The following CLIC4 variants were observed in gnomAD, a reference collection of about 807,000 sequenced individuals.
CLIC4 encodes CLIC family member 4, also known as chloride intracellular channel protein 4.
CLIC4 carries 13 observed loss-of-function variants against 24.6 expected under a neutral mutation model. The observed-to-expected ratio is 0.53, with a 90% confidence interval of 0.34 to 0.84. The LOEUF is 0.84. Among genes scored for constraint, CLIC4 ranks in the 40% least tolerant of loss-of-function variants. The probability of loss-of-function intolerance (pLI) is 0.01; values close to 1 mark genes in which losing one functional copy is unlikely to be tolerated. For missense variants in CLIC4, 227 were observed against 301.7 expected (o/e 0.75, Z 1.83); for synonymous variants, 104 against 111.3 (o/e 0.93, Z 0.41).
At chr1:24,772,931 G>A (rs1639089372) in intron 1 of CLIC4, among the ~76,000 whole-genome samples, 1 of 152,084 alleles carries the variant, frequency 6.6e-6, no homozygotes, top group African/African-American at 2.4e-5. Flanking sequence ...CATGATTGCA[G>A]TTTTTCATTG....
intron 4 of CLIC4, among the ~76,000 whole-genome samples, chr1:24,829,487 G>C (rs1477504971): frequency 1.3e-5 from 2 of 152,176 alleles, no homozygotes; most frequent in Non-Finnish European, 2.9e-5. Context: ...AAGCTCATGG[G>C]TAATTTCTTT....
intron 2 of CLIC4, among the ~76,000 whole-genome samples, chr1:24,805,656 G>A (rs1270861302): frequency 2.0e-5 from 3 of 151,844 alleles, no homozygotes; most frequent in Admixed American, 1.3e-4. Context: ...TTTTTTCTTC[G>A]TTGGGCAAGT....
chr1:24,841,671 A>G lies in CLIC4; in HGVS notation c.*734A>G, dbSNP rs2124181322. On this transcript the variant is annotated 3_prime_UTR_variant, in exon 6 of 6. Coordinates refer to ENST00000374379, the MANE Select transcript of CLIC4 (RefSeq NM_013943.3). ...CCTTCCTCAAGCATTTTATCTTTAG[A>G]AGAGAAACTGATGGGCACCTGATAC... is the stretch of plus-strand genomic sequence containing the variant. The G allele has an allele frequency of 1.3e-5, 2 of 152,552 alleles. No individual in the cohort carries two copies. The highest frequency in any genetic ancestry group is 1.3e-4 in the Admixed American group (2 of 15,296). 9.4% of individuals were successfully genotyped at this position (152,552 alleles called of 1,614,324 possible). A position where few individuals can be genotyped will look rare whatever the true frequency, so the allele number is the denominator to read the frequency against.
At chr1:24,820,096 T>TATATATATATATATATATATATAC (rs1557812358) in intron 3 of CLIC4, among the ~76,000 whole-genome samples, 1 of 109,886 alleles carries the variant, frequency 9.1e-6, no homozygotes, top group African/African-American at 3.2e-5. Flanking sequence ...TATATATATA[T>TATATATATATATATATATATATAC]AGACAGTATC....
intron 1 of CLIC4, among the ~76,000 whole-genome samples, chr1:24,756,181 A>T (rs1317137103): frequency 1.3e-5 from 2 of 151,960 alleles, no homozygotes; most frequent in Non-Finnish European, 2.9e-5. Context: ...TTCTATTTCT[A>T]GTAGAGACGG....
At chr1:24,803,313 C>A (rs151211993) in intron 2 of CLIC4, among the ~76,000 whole-genome samples, 1 of 152,228 alleles carries the variant, frequency 6.6e-6, no homozygotes, top group African/African-American at 2.4e-5. Flanking sequence ...GACTCCAGAA[C>A]AAACCAGTGG....
intron 1 of CLIC4, among the ~76,000 whole-genome samples, chr1:24,756,251 G>T (rs1174621461): frequency 6.6e-6 from 1 of 152,004 alleles, no homozygotes. Flanking sequence ...CGCCCGCCTC[G>T]GCCTCCCAAA....
intron 1 of CLIC4, among the ~76,000 whole-genome samples, chr1:24,783,586 C>G (rs1639231616): frequency 6.6e-6 from 1 of 152,020 alleles, no homozygotes; most frequent in Admixed American, 6.6e-5. Flanking sequence ...GCCTGTAGTC[C>G]CAGCTACTTG....
chr1:24,785,112 G>A (rs1223904547), intron 1 of CLIC4, among the ~76,000 whole-genome samples: 4 of 140,580 alleles, frequency 2.8e-5, no homozygotes, highest in Admixed American at 7.3e-5. Flanking sequence ...GCATCGGGTC[G>A]TAATCTATGT....
At chr1:24,823,151 C>T (rs186879476) in intron 3 of CLIC4, among the ~76,000 whole-genome samples, 78 of 152,244 alleles carry the variant, frequency 5.1e-4, no homozygotes, top group African/African-American at 1.6e-3. Flanking sequence ...TTAATCATGA[C>T]AAATATAAAT....
chr1:24,766,035 C>T (rs1031497842), intron 1 of CLIC4, among the ~76,000 whole-genome samples: 12 of 151,888 alleles, frequency 7.9e-5, no homozygotes, highest in Admixed American at 1.3e-4. Flanking sequence ...GATGGAGTCT[C>T]GCTCTGTTGC....
intron 2 of CLIC4, among the ~76,000 whole-genome samples, chr1:24,804,047 G>T (rs1280635790): frequency 3.3e-5 from 5 of 152,116 alleles, no homozygotes; most frequent in African/African-American, 1.2e-4. Flanking sequence ...TTATCTTCAT[G>T]ATCATGTCTC....
intron 1 of CLIC4, among the ~76,000 whole-genome samples, chr1:24,750,148 G>C (rs993194106): frequency 6.6e-5 from 10 of 152,174 alleles, no homozygotes; most frequent in African/African-American, 2.4e-4. Context: ...GAGGCTGCGG[G>C]TGGGAGGATT....
chr1:24,787,065 G>C (rs541716764), intron 1 of CLIC4, among the ~76,000 whole-genome samples: 56 of 152,292 alleles, frequency 3.7e-4, no homozygotes, highest in African/African-American at 1.3e-3. Context: ...GGGACCACAG[G>C]CATGAGCCAC....
intron 1 of CLIC4, among the ~76,000 whole-genome samples, chr1:24,779,078 T>C (rs1488026521): frequency 1.3e-5 from 2 of 152,230 alleles, no homozygotes; most frequent in Admixed American, 1.3e-4. Context: ...GAGATTATCA[T>C]GTATAAACAT....
At chr1:24,822,845 A>G (rs1319544689) in intron 3 of CLIC4, among the ~76,000 whole-genome samples, 1 of 152,134 alleles carries the variant, frequency 6.6e-6, no homozygotes, top group African/African-American at 2.4e-5. Flanking sequence ...GGGAGGAGGA[A>G]GAGTTTCTGG....
intron 1 of CLIC4, among the ~76,000 whole-genome samples, chr1:24,773,919 T>C (rs948747217): frequency 3.3e-5 from 5 of 151,778 alleles, no homozygotes; most frequent in African/African-American, 9.7e-5. Context: ...TTTTTTTTGA[T>C]GTAACCAAAG....
At chr1:24,787,845 ATTTTTTTTTTTTTTT>A (rs60149402) in intron 1 of CLIC4, among the ~76,000 whole-genome samples, 20 of 142,294 alleles carry the variant, frequency 1.4e-4, no homozygotes, top group South Asian at 2.2e-4. Context: ...GTGCCCGGCC[ATTTTTTTTTTTTTTT>A]TTTTTTTTTG....
At chr1:24,748,510 T>C (rs529816351) in intron 1 of CLIC4, among the ~76,000 whole-genome samples, 1 of 144,114 alleles carries the variant, frequency 6.9e-6, no homozygotes, top group East Asian at 2.0e-4. Context: ...TTTTTTTTTT[T>C]TTTTTTTTTT....
Sources: gnomAD v4.1 joint callset for allele counts (sites outside exome capture counted in the v4.1 genomes callset) on GRCh38, gnomAD v4.1.1 for gene constraint, MANE v1.5 for transcripts, NCBI Gene and HGNC (gene_info 2026-07-23, HGNC 2026-07-21) for gene names.